GPR137C: variants seen among roughly 807,000 people sequenced by gnomAD.
The protein encoded by GPR137C is G protein-coupled receptor 137C.
Under a neutral mutation model 43.4 loss-of-function variants are expected in GPR137C, and 27 were observed. That is an observed-to-expected ratio of 0.62 (90% CI 0.46 to 0.86). The LOEUF (loss-of-function observed/expected upper bound fraction) is 0.86, where lower values mean the gene tolerates loss of function less well. GPR137C is among the 40% of genes least tolerant of loss of function. The probability of loss-of-function intolerance (pLI) is 0.00; values close to 1 mark genes in which losing one functional copy is unlikely to be tolerated. For synonymous variants in GPR137C, 285 were observed against 226.9 expected, an observed-to-expected ratio of 1.26 and a Z score of -2.30; for missense variants, 522 against 534.6, an observed-to-expected ratio of 0.98 and a Z score of 0.23.
chr14:52,609,262 T>G (rs1205465579), intron 3 of GPR137C, among the ~76,000 whole-genome samples: 4 of 152,242 alleles, frequency 2.6e-5, no homozygotes, highest in African/African-American at 9.6e-5. Context: ...TTTGATTGTT[T>G]TTATTATTTC....
At chr14:52,556,770 A>G (rs2038201074) in intron 1 of GPR137C, among the ~76,000 whole-genome samples, 6 of 152,100 alleles carry the variant, frequency 3.9e-5, no homozygotes, top group Admixed American at 3.9e-4. Flanking sequence ...CCTGCACATG[A>G]ACCTCCTGAA....
intron 1 of GPR137C, among the ~76,000 whole-genome samples, chr14:52,577,553 TGAA>T (rs2038579314): frequency 7.7e-6 from 1 of 130,300 alleles, no homozygotes; most frequent in African/African-American, 2.8e-5. Flanking sequence ...ATCAATGAAA[TGAA>T]AAGTTGATTC....
chr14:52,592,008 G>A (rs1256362118), intron 1 of GPR137C, among the ~76,000 whole-genome samples: 1 of 152,134 alleles, frequency 6.6e-6, no homozygotes, highest in Non-Finnish European at 1.5e-5. Flanking sequence ...TGTATAAGGT[G>A]TAACGAAAGG....
chr14:52,624,852 G>A (rs2039203571), intron 3 of GPR137C, among the ~76,000 whole-genome samples: 1 of 152,076 alleles, frequency 6.6e-6, no homozygotes, highest in African/African-American at 2.4e-5. Context: ...CAGGAAAACA[G>A]TGAAAATACA....
intron 3 of GPR137C, chr14:52,612,478 AGG>A (rs2039048781): frequency 5.1e-6 from 5 of 981,548 alleles, no homozygotes; most frequent in African/African-American, 1.8e-5. Context: ...TAAGAGTTAG[AGG>A]TTTTAGTAAT....
At chr14:52,568,294 G>T (rs1386112349) in intron 1 of GPR137C, among the ~76,000 whole-genome samples, 2 of 152,058 alleles carry the variant, frequency 1.3e-5, no homozygotes, top group Admixed American at 6.5e-5. Context: ...CTTTTTCCAC[G>T]GTCTTCCCAA....
intron 3 of GPR137C, among the ~76,000 whole-genome samples, chr14:52,609,419 T>C (rs1006500909): frequency 1.3e-5 from 2 of 152,242 alleles, no homozygotes; most frequent in African/African-American, 2.4e-5. Flanking sequence ...CACCTTATTT[T>C]ATCCATTTGA....
intron 1 of GPR137C, among the ~76,000 whole-genome samples, chr14:52,561,016 A>G (rs2038275109): frequency 6.6e-6 from 1 of 152,236 alleles, no homozygotes; most frequent in East Asian, 1.9e-4. Flanking sequence ...AAGAAAATCC[A>G]GTAAAAATGA....
chr14:52,598,014 T>C (rs565644000), intron 1 of GPR137C, among the ~76,000 whole-genome samples: 3 of 152,316 alleles, frequency 2.0e-5, no homozygotes, highest in African/African-American at 7.2e-5. Context: ...ACAGTATATG[T>C]TTAAACTGAA....
chr14:52,608,333 T>C (rs2039004367), intron 3 of GPR137C, among the ~76,000 whole-genome samples: 1 of 152,236 alleles, frequency 6.6e-6, no homozygotes, highest in African/African-American at 2.4e-5. Context: ...ACAAGTTACT[T>C]AAGATTGATA....
At chr14:52,574,689 G>A (rs2038524781) in intron 1 of GPR137C, among the ~76,000 whole-genome samples, 1 of 152,160 alleles carries the variant, frequency 6.6e-6, no homozygotes, top group Non-Finnish European at 1.5e-5. Context: ...TTCTGCACGT[G>A]TATCCCAGAA....
At chr14:52,555,441 T>C (rs2038178219) in intron 1 of GPR137C, among the ~76,000 whole-genome samples, 1 of 152,112 alleles carries the variant, frequency 6.6e-6, no homozygotes, top group Non-Finnish European at 1.5e-5. Flanking sequence ...TTTCCCTTTT[T>C]ACCCTCTCCC....
chr14:52,588,640 A>T (rs77736373), intron 1 of GPR137C, among the ~76,000 whole-genome samples: 13,634 of 152,244 alleles, frequency 0.09, 678 homozygotes, highest in South Asian at 0.15. Flanking sequence ...ATCATGAAAG[A>T]CAAAGGAAAG....
chr14:52,597,864 A>G (rs1199102442), intron 1 of GPR137C, among the ~76,000 whole-genome samples: 1 of 152,216 alleles, frequency 6.6e-6, no homozygotes, highest in African/African-American at 2.4e-5. Flanking sequence ...TCATTACTGA[A>G]GAAAATAGTC....
intron 1 of GPR137C, among the ~76,000 whole-genome samples, chr14:52,594,780 G>T (rs1224297716): frequency 6.6e-6 from 1 of 152,132 alleles, no homozygotes; most frequent in Admixed American, 6.6e-5. Context: ...CAGTTTGCCA[G>T]TCTGTGTCTT....
chr14:52,619,950 C>T (rs889881865), intron 3 of GPR137C, among the ~76,000 whole-genome samples: 1 of 152,044 alleles, frequency 6.6e-6, no homozygotes, highest in African/African-American at 2.4e-5. Context: ...AATACATGCA[C>T]GATTCTATGT....
At chr14:52,575,396 A>G (rs898810671) in intron 1 of GPR137C, among the ~76,000 whole-genome samples, 5 of 152,210 alleles carry the variant, frequency 3.3e-5, no homozygotes, top group African/African-American at 4.8e-5. Flanking sequence ...CCTTGTTTCA[A>G]TAAAAATGAA....
intron 1 of GPR137C, among the ~76,000 whole-genome samples, chr14:52,581,245 A>C (rs183770944): frequency 1.3e-5 from 2 of 151,370 alleles, no homozygotes; most frequent in East Asian, 3.9e-4. Flanking sequence ...ATAGAAGGTG[A>C]ACATCTGGCC....
chr14:52,634,962 C>G lies in GPR137C; in HGVS notation c.1137C>G (p.Gly379=). 1 of 1,612,354 alleles carries G rather than the reference C, an allele frequency of 6.2e-7. No homozygotes were observed. Among genetic ancestry groups the G allele is most frequent in the South Asian group, 1.1e-5 (1 of 90,806 alleles). ...GTTTACCAAATTCGCAAAGTTTGGG[C>G]TGGTATGGCACCATGACTGGGTGTG... ...EGSLPNSQSL[G]WYGTMTGCGS... Residue 379 remains glycine (G), a synonymous_variant, in exon 7 of 7, where the codon GGC becomes GGG. Transcript: ENST00000321662.
Sources: gnomAD v4.1 joint callset for allele counts (sites outside exome capture counted in the v4.1 genomes callset) on GRCh38, gnomAD v4.1.1 for gene constraint, MANE v1.5 for transcripts, NCBI Gene and HGNC (gene_info 2026-07-23, HGNC 2026-07-21) for gene names.